Variants in AMPH observed in about 807,000 individuals in gnomAD.
The protein encoded by AMPH is amphiphysin (Stiff-Mann syndrome with breast cancer 128kD autoantigen).
Under a neutral mutation model 99.1 loss-of-function variants are expected in AMPH, and 49 were observed. The ratio of observed to expected loss-of-function variants is 0.49; its 90% CI spans 0.39 to 0.63. The LOEUF is 0.63. AMPH is among the 20% of genes least tolerant of loss of function. The pLI is 0.00. For synonymous variants in AMPH, 314 were observed against 317.3 expected (o/e 0.99, Z 0.11); for missense variants, 759 against 863.4 (o/e 0.88, Z 1.52).
intron 1 of AMPH, among the ~76,000 whole-genome samples, chr7:38,610,275 A>G (rs1009183285): frequency 1.2e-3 from 37 of 31,002 alleles, no homozygotes; most frequent in African/African-American, 4.2e-3. Context: ...AAAGAAAGAA[A>G]GAAAGAAAGA....
At chr7:38,598,242 G>T (rs1194819250) in intron 1 of AMPH, among the ~76,000 whole-genome samples, 1 of 151,978 alleles carries the variant, frequency 6.6e-6, no homozygotes, top group Non-Finnish European at 1.5e-5. Context: ...ACTTGTGTTC[G>T]CAATGTTTTT....
chr7:38,443,366 C>T (rs1382797233), intron 11 of AMPH, among the ~76,000 whole-genome samples: 2 of 151,970 alleles, frequency 1.3e-5, no homozygotes, highest in Admixed American at 6.6e-5. Context: ...TACCATTACC[C>T]TAGTATTAAA....
rs540221833 is a variant in AMPH at position 38,547,652 on chromosome 7, G to A, written c.70-12641C>T. 3.9e-5 allele frequency among the ~76,000 whole-genome samples: 6 copies of A among 152,320 alleles called. No individual in the cohort carries two copies. In the East Asian group the frequency reaches 9.6e-4, roughly 24 times the overall value. The stretch of plus-strand genomic sequence containing the variant: ...AGGACAAGCTATGACACAGGCTTAG[G>A]AGGTCCTAATGACATGTGCCCAAGG... On this transcript the variant is annotated intron_variant, in intron 1 of 20. Transcript: ENST00000356264.
intron 17 of AMPH, among the ~76,000 whole-genome samples, chr7:38,412,982 A>G (rs1041623444): frequency 6.6e-6 from 1 of 152,310 alleles, no homozygotes; most frequent in Non-Finnish European, 1.5e-5. Context: ...GACTGGGTCC[A>G]TTGCCATTTC....
At chr7:38,436,628 C>G (rs983723105) in intron 11 of AMPH, among the ~76,000 whole-genome samples, 20 of 152,194 alleles carry the variant, frequency 1.3e-4, no homozygotes, top group African/African-American at 4.8e-4. Context: ...CAGGCTCTAG[C>G]TCTTGTCCTT....
At chr7:38,453,300 T>C (rs1298345491) in intron 11 of AMPH, among the ~76,000 whole-genome samples, 1 of 152,190 alleles carries the variant, frequency 6.6e-6, no homozygotes, top group Non-Finnish European at 1.5e-5. Context: ...GAGGTATTGA[T>C]GGAGAGACAC....
At chr7:38,609,936 A>G (rs960860292) in intron 1 of AMPH, among the ~76,000 whole-genome samples, 1 of 151,914 alleles carries the variant, frequency 6.6e-6, no homozygotes, top group African/African-American at 2.4e-5. Context: ...CATAATATAA[A>G]AGAAACTCAG....
chr7:38,502,392 A>G (rs1187106718), intron 3 of AMPH, among the ~76,000 whole-genome samples: 1 of 152,138 alleles, frequency 6.6e-6, no homozygotes, highest in East Asian at 1.9e-4. Flanking sequence ...TGTATGGTAG[A>G]TGCACCTGAA....
intron 15 of AMPH, among the ~76,000 whole-genome samples, chr7:38,424,156 C>T (rs1271320244): frequency 6.6e-6 from 1 of 152,162 alleles, no homozygotes; most frequent in Admixed American, 6.5e-5. Context: ...TCAGTGGCTC[C>T]CCAACAGAAA....
chr7:38,477,957 AGTAGTG>A (rs1788147678), intron 5 of AMPH, among the ~76,000 whole-genome samples: 1 of 152,116 alleles, frequency 6.6e-6, no homozygotes, highest in Non-Finnish European at 1.5e-5. Context: ...TCCTACAACA[AGTAGTG>A]GACTGCTCCA....
chr7:38,580,368 A>G (rs999757647), intron 1 of AMPH, among the ~76,000 whole-genome samples: 20 of 152,134 alleles, frequency 1.3e-4, no homozygotes, highest in African/African-American at 4.8e-4. Flanking sequence ...CAATCGCAAA[A>G]TAAAGGCCCT....
chr7:38,622,397 G>T (rs900580347), intron 1 of AMPH, among the ~76,000 whole-genome samples: 1 of 151,422 alleles, frequency 6.6e-6, no homozygotes, highest in Non-Finnish European at 1.5e-5. Context: ...TTGAAATTTA[G>T]TCATATATAT....
At chr7:38,528,276 C>T (rs1790264560) in intron 2 of AMPH, among the ~76,000 whole-genome samples, 1 of 152,090 alleles carries the variant, frequency 6.6e-6, no homozygotes, top group Non-Finnish European at 1.5e-5. Flanking sequence ...TTGAGAAGTG[C>T]TCCCTCCTCT....
chr7:38,557,291 G>A (rs1035073346), intron 1 of AMPH, among the ~76,000 whole-genome samples: 2 of 152,206 alleles, frequency 1.3e-5, no homozygotes, highest in African/African-American at 4.8e-5. Flanking sequence ...TAACCCAGGT[G>A]ATGTGGTTTG....
chr7:38,430,048 C>A lies in AMPH; in HGVS notation c.1159-183G>T, dbSNP rs374585502. On this transcript the variant is annotated intron_variant, in intron 13 of 20. Coordinates refer to ENST00000356264, the MANE Select transcript of AMPH (RefSeq NM_001635.4). ...TTGTTCCAAAATTGTTTAAGACCAC[C>A]ATAGAAAAGGCACAAATGAAACACA... 4.7e-4 allele frequency: 260 copies of A among 548,062 alleles called. 1 individual carries two copies. Among genetic ancestry groups the A allele is most frequent in the African/African-American group, 6.6e-4 (34 of 51,190 alleles). The allele number at this position is 548,062 out of a possible 1,614,324, so 33.9% of individuals were successfully genotyped here. A position where few individuals can be genotyped will look rare whatever the true frequency, so the allele number is the denominator to read the frequency against.
At chr7:38,468,299 C>T (rs1171263900) in intron 7 of AMPH, among the ~76,000 whole-genome samples, 1 of 152,124 alleles carries the variant, frequency 6.6e-6, no homozygotes, top group African/African-American at 2.4e-5. Flanking sequence ...TGTATTCCTT[C>T]TTTTGTGAAT....
intron 11 of AMPH, among the ~76,000 whole-genome samples, chr7:38,452,277 T>A (rs1227046210): frequency 1.3e-5 from 2 of 152,152 alleles, no homozygotes; most frequent in South Asian, 2.1e-4. Flanking sequence ...TTTAAAAAAA[T>A]TAAAATAAAT....
At chr7:38,551,201 C>T (rs1350596900) in intron 1 of AMPH, among the ~76,000 whole-genome samples, 2 of 152,064 alleles carry the variant, frequency 1.3e-5, no homozygotes, top group Admixed American at 6.5e-5. Flanking sequence ...AGATTTCCTA[C>T]GATGACTTTT....
At chr7:38,475,469 C>A (rs1271250587) in intron 6 of AMPH, 53 bp from the exon 7 acceptor site, 13 of 1,135,196 alleles carry the variant, frequency 1.1e-5, no homozygotes, top group Non-Finnish European at 1.6e-5. Flanking sequence ...TTTCTATACA[C>A]AACAGCATCA....
Sources: allele counts gnomAD v4.1 joint callset (sites outside exome capture counted in the v4.1 genomes callset), GRCh38; gene constraint gnomAD v4.1.1; transcripts MANE v1.5; gene names NCBI Gene and HGNC (gene_info 2026-07-23, HGNC 2026-07-21).